The following SLIT2 variants were observed in gnomAD, a reference collection of about 807,000 sequenced individuals.
The protein encoded by SLIT2 is slit guidance ligand 2.
In SLIT2, 41 loss-of-function variants were observed where a neutral mutation model predicts 185.7. That is an observed-to-expected ratio of 0.22 (90% confidence interval 0.17 to 0.29). The LOEUF is 0.29. Among genes scored for constraint, SLIT2 ranks in the 10% least tolerant of loss-of-function variants. SLIT2 has a pLI of 1.00. For synonymous variants in SLIT2, 693 were observed against 680.2 expected (o/e 1.02, Z -0.29); for missense variants, 1,571 against 1,909.0 (o/e 0.82, Z 3.30).
chr4:20,365,173 T>G (rs1723015936), intron 4 of SLIT2, among the ~76,000 whole-genome samples: 1 of 152,194 alleles, frequency 6.6e-6, no homozygotes, highest in African/African-American at 2.4e-5. Context: ...AGTGTTTAAC[T>G]GCTGGACAGT....
intron 4 of SLIT2, among the ~76,000 whole-genome samples, chr4:20,305,626 A>G (rs1193183925): frequency 2.0e-5 from 3 of 151,614 alleles, no homozygotes; most frequent in African/African-American, 7.3e-5. Context: ...TAATCCCAGC[A>G]TTTTGGGAGG....
In SLIT2 at chr4:20,436,295, C is replaced by A. The variant is rs551080728; in HGVS notation, c.396-31457C>A. Among the ~76,000 whole-genome samples the A allele has an allele frequency of 2.2e-4, 33 of 152,308 alleles. 1 individual carries two copies. The South Asian group carries it at 6.6e-3, about 31-fold the overall frequency. Reference sequence around the variant, plus strand: ...ATACAATCTAAGTAAAAACTATATGCTTGTTAGGCAAACAGTGCTTCAGTA... The same window carrying A: ...ATACAATCTAAGTAAAAACTATATGATTGTTAGGCAAACAGTGCTTCAGTA... On this transcript the variant is annotated intron_variant, in intron 4 of 36. Transcript: ENST00000504154.
chr4:20,283,058 C>T (rs1298352200), intron 4 of SLIT2, among the ~76,000 whole-genome samples: 1 of 152,024 alleles, frequency 6.6e-6, no homozygotes, highest in Admixed American at 6.6e-5. Flanking sequence ...AACTTAGCAC[C>T]ACTATTTGCT....
At chr4:20,571,651 TG>T (rs1253999004) in intron 29 of SLIT2, among the ~76,000 whole-genome samples, 1 of 152,208 alleles carries the variant, frequency 6.6e-6, no homozygotes, top group Non-Finnish European at 1.5e-5. Flanking sequence ...AATTTGAGTT[TG>T]GAATCTGATT....
Position 20,472,580 on chromosome 4 carries a change from CTA to C in SLIT2, c.467+4764_467+4765del, listed in dbSNP as rs369401775. ...GATATATATCTATATATAGATATAT[CTA>C]TATATAGATATATATCTATAGATAT... On this transcript the variant is annotated intron_variant, in intron 5 of 36. Coordinates refer to ENST00000504154, the MANE Select transcript of SLIT2 (RefSeq NM_004787.4). Among the ~76,000 whole-genome samples the C allele has an allele frequency of 2.1e-3, 22 of 10,388 alleles. 9 individuals carry two copies. Among genetic ancestry groups the C allele is most frequent in the East Asian group, 0.018 (2 of 112 alleles). 6.8% of individuals were successfully genotyped at this position (10,388 alleles called of 152,430 possible). A position where few individuals can be genotyped will look rare whatever the true frequency, so the allele number is the denominator to read the frequency against.
At chr4:20,573,714 A>G (rs1332831247) in intron 29 of SLIT2, among the ~76,000 whole-genome samples, 1 of 152,116 alleles carries the variant, frequency 6.6e-6, no homozygotes, top group African/African-American at 2.4e-5. Flanking sequence ...CTTTAGTAAC[A>G]TGTAACATGA....
intron 3 of SLIT2, among the ~76,000 whole-genome samples, chr4:20,267,535 T>A (rs1713159575): frequency 6.6e-6 from 1 of 151,904 alleles, no homozygotes; most frequent in African/African-American, 2.4e-5. Context: ...ACTTACAGGA[T>A]TTTAAAAAAT....
At chr4:20,312,400 A>G (rs1366974842) in intron 4 of SLIT2, among the ~76,000 whole-genome samples, 1 of 152,232 alleles carries the variant, frequency 6.6e-6, no homozygotes, top group Non-Finnish European at 1.5e-5. Context: ...ATTTATGTTC[A>G]CAAAACATTT....
At chr4:20,613,781 G>T (rs2148985219) in intron 34 of SLIT2, among the ~76,000 whole-genome samples, 1 of 152,318 alleles carries the variant, frequency 6.6e-6, no homozygotes, top group Admixed American at 6.5e-5. Context: ...CAGCATCTGG[G>T]GAGAGGCAGC....
At chr4:20,271,724 C>T (rs569282035) in intron 4 of SLIT2, among the ~76,000 whole-genome samples, 4 of 151,918 alleles carry the variant, frequency 2.6e-5, no homozygotes, top group African/African-American at 7.2e-5. Flanking sequence ...TGGTTTAATA[C>T]ATAGTTTATA....
intron 5 of SLIT2, among the ~76,000 whole-genome samples, chr4:20,475,833 A>G (rs1043320637): frequency 3.9e-5 from 6 of 152,130 alleles, no homozygotes; most frequent in African/African-American, 1.2e-4. Flanking sequence ...CCCCATCTCT[A>G]CTACTGCTAT....
chr4:20,505,689 A>G (rs1350776080), intron 9 of SLIT2, among the ~76,000 whole-genome samples: 1 of 152,108 alleles, frequency 6.6e-6, no homozygotes, highest in African/African-American at 2.4e-5. Context: ...AAGTGGCAGA[A>G]TTAGACTTCA....
At chr4:20,276,744 G>C (rs1479443686) in intron 4 of SLIT2, among the ~76,000 whole-genome samples, 1 of 152,150 alleles carries the variant, frequency 6.6e-6, no homozygotes, top group East Asian at 1.9e-4. Flanking sequence ...CACAGAGAAA[G>C]GTTGATTGCT....
chr4:20,336,523 G>A (rs186419441), intron 4 of SLIT2, among the ~76,000 whole-genome samples: 5 of 152,222 alleles, frequency 3.3e-5, no homozygotes, highest in Non-Finnish European at 5.9e-5. Flanking sequence ...ACACACTGGG[G>A]CCTCTCATGG....
At chr4:20,382,136 A>G (rs1724579443) in intron 4 of SLIT2, among the ~76,000 whole-genome samples, 1 of 152,158 alleles carries the variant, frequency 6.6e-6, no homozygotes, top group Non-Finnish European at 1.5e-5. Flanking sequence ...TTCAAAAGGA[A>G]AAAGGATTTG....
Position 20,264,585 on chromosome 4 carries a change from A to G in SLIT2, c.324-4225A>G, listed in dbSNP as rs752755248. Among the ~76,000 whole-genome samples, 133 of 151,902 alleles carry G rather than the reference A, an allele frequency of 8.8e-4. 1 individual carries two copies. Among genetic ancestry groups the G allele is most frequent in the Non-Finnish European group, 1.1e-3 (76 of 67,858 alleles). On this transcript the variant is annotated intron_variant, in intron 3 of 36. Coordinates refer to ENST00000504154, the MANE Select transcript of SLIT2 (RefSeq NM_004787.4). ...CTCTGCTAAAGGACAAGAGTCATAG[A>G]CACAGCTGGCAGATAATAATTCAAA...
chr4:20,519,413 C>T lies in SLIT2; in HGVS notation c.1090C>T (p.Pro364Ser). 1 of 1,594,198 alleles carries T rather than the reference C, an allele frequency of 6.3e-7. No homozygotes were observed. The part of the protein sequence containing the change: ...VLYGNKITEL[P>S]KSLFEGLFSL... ...CTATGGAAATAAAATCACAGAACTC[C>T]CCAAAAGTTTATTTGAAGGACTGTT... Residue 364 changes from proline (P) to serine (S), a missense_variant, in exon 12 of 37, where the codon CCC (proline) becomes TCC (serine). Coordinates refer to ENST00000504154, the MANE Select transcript of SLIT2 (RefSeq NM_004787.4).
chr4:20,470,621 G>T (rs1441733378), intron 5 of SLIT2, among the ~76,000 whole-genome samples: 1 of 151,712 alleles, frequency 6.6e-6, no homozygotes, highest in Non-Finnish European at 1.5e-5. Flanking sequence ...TGTCACCCAG[G>T]CTGGAGTGCA....
At position 20,253,470 on chromosome 4, in the gene SLIT2, C is replaced by A. The variant is rs568454044; in HGVS notation, c.-346C>A. 87 of 325,110 alleles carry A rather than the reference C, an allele frequency of 2.7e-4. 1 individual carries two copies. In the East Asian group the frequency reaches 4.4e-3, roughly 16 times the overall value. The allele number at this position is 325,110 out of a possible 1,614,324, so 20.1% of individuals were successfully genotyped here. ...TGCATCTTAGCAGCCGTTGGAAGCC[C>A]CAGCTCTTTTACCGCCAAGTTCATC... On this transcript the variant is annotated 5_prime_UTR_variant, in exon 1 of 37. Coordinates refer to ENST00000504154, the MANE Select transcript of SLIT2 (RefSeq NM_004787.4).
Sources: gnomAD v4.1 joint callset for allele counts (sites outside exome capture counted in the v4.1 genomes callset) on GRCh38, gnomAD v4.1.1 for gene constraint, MANE v1.5 for transcripts, NCBI Gene and HGNC (gene_info 2026-07-23, HGNC 2026-07-21) for gene names.